ZFYVE16: variants seen among roughly 807,000 people sequenced by gnomAD.
The protein encoded by ZFYVE16 is zinc finger FYVE domain-containing protein 16.
A neutral mutation model predicts 138.1 loss-of-function variants in ZFYVE16; 89 were observed. The observed-to-expected ratio is 0.64, with a 90% CI of 0.54 to 0.77. ZFYVE16 has a LOEUF of 0.77. Ranked by LOEUF, ZFYVE16 falls within the 30% of genes least tolerant of loss-of-function variation. The pLI is 0.00. For synonymous variants in ZFYVE16, 596 were observed against 618.3 expected, an observed-to-expected ratio of 0.96 and a Z score of 0.53; for missense variants, 1,793 against 1,786.7, an observed-to-expected ratio of 1.00 and a Z score of -0.06.
intron 15 of ZFYVE16, among the ~76,000 whole-genome samples, chr5:80,470,882 A>C (rs1754298877): frequency 6.6e-6 from 1 of 152,156 alleles, no homozygotes; most frequent in Admixed American, 6.6e-5. Context: ...ATTGCTACAG[A>C]ATAAAAGATG....
chr5:80,442,840 G>A (rs1750868588), intron 5 of ZFYVE16, among the ~76,000 whole-genome samples: 1 of 151,922 alleles, frequency 6.6e-6, no homozygotes, highest in Admixed American at 6.6e-5. Context: ...GGCAAAAACA[G>A]AGACAGTCAT....
chr5:80,411,860 A>G (rs1453475385), intron 1 of ZFYVE16: 4 of 152,242 alleles, frequency 2.6e-5, no homozygotes, highest in African/African-American at 7.2e-5. Flanking sequence ...TGGCACCACC[A>G]TCTACCCTAG....
chr5:80,446,779 G>A (rs986543015), intron 7 of ZFYVE16, among the ~76,000 whole-genome samples: 15 of 152,176 alleles, frequency 9.9e-5, no homozygotes, highest in African/African-American at 3.1e-4. Flanking sequence ...TTACACAAAT[G>A]TGCTAGGTGT....
intron 7 of ZFYVE16, among the ~76,000 whole-genome samples, chr5:80,446,096 G>C (rs973797144): frequency 1.0e-4 from 15 of 150,174 alleles, no homozygotes; most frequent in Non-Finnish European, 2.2e-4. Flanking sequence ...AGGTTTCACC[G>C]TGTTGGCCAG....
chr5:80,462,824 G>A (rs1753278741), intron 15 of ZFYVE16, among the ~76,000 whole-genome samples: 2 of 152,212 alleles, frequency 1.3e-5, no homozygotes, highest in Non-Finnish European at 2.9e-5. Flanking sequence ...TTCCAAATGT[G>A]AGAAATTGGC....
intron 5 of ZFYVE16, chr5:80,442,086 T>A: frequency 3.1e-6 from 1 of 320,054 alleles, no homozygotes; most frequent in Non-Finnish European, 4.5e-6. Flanking sequence ...GATAGATAGT[T>A]AACAGATTAG....
chr5:80,477,117 C>A, intron 18 of ZFYVE16, 102 bp from the exon 19 acceptor site: 2 of 911,906 alleles, frequency 2.2e-6, no homozygotes, highest in East Asian at 3.1e-5. Flanking sequence ...TTTTATTTAA[C>A]ATGCTTGAAC....
chr5:80,480,029 A>G lies in ZFYVE16; in HGVS notation c.*2652A>G, dbSNP rs916829005. Among the ~76,000 whole-genome samples, 8 of 152,192 alleles carry G rather than the reference A, an allele frequency of 5.3e-5. 1 individual carries two copies. Among genetic ancestry groups the G allele is most frequent in the Non-Finnish European group, 1.5e-5 (1 of 68,030 alleles). ...GTGACAGAGAAAATAAAATGTAAATACTTTTCATGGAAAAGTAATTTCATT... is the reference window on the plus strand; with the variant it reads ...GTGACAGAGAAAATAAAATGTAAATGCTTTTCATGGAAAAGTAATTTCATT... On this transcript the variant is annotated 3_prime_UTR_variant, in exon 19 of 19. Transcript: ENST00000505560.
rs200433305 is a variant in ZFYVE16 at position 80,438,115 on chromosome 5, T to C, written c.1430T>C (p.Val477Ala). The C allele has an allele frequency of 5.5e-5, 89 of 1,614,022 alleles. 1 individual carries two copies. The highest frequency in any genetic ancestry group is 7.0e-5 in the Non-Finnish European group (83 of 1,179,950). ...SLDGGDTSSTVVESQEGLSGT... is the reference protein window; with the variant it reads ...SLDGGDTSSTAVESQEGLSGT... The stretch of plus-strand genomic sequence containing the variant: ...GATGGTGGTGACACCAGTTCTACAG[T>C]TGTAGAATCTCAAGAGGGGCTTTCT... Residue 477 changes from valine to alanine, a missense_variant, in exon 4 of 19, where the codon GTT becomes GCT. Physicochemically the swap from Val to Ala is moderately conservative, Grantham distance 64. Coordinates refer to ENST00000505560, the MANE Select transcript of ZFYVE16 (RefSeq NM_001284236.3).
rs141202687 is a variant in ZFYVE16, at chr5:80,440,657, G to GGTGTGTGTGTGTGTGTGTGTGT, written c.2419+651_2419+672dup. On this transcript the variant is annotated intron_variant, in intron 5 of 18. Coordinates refer to ENST00000505560, the MANE Select transcript of ZFYVE16 (RefSeq NM_001284236.3). ...TCTTGGTGGTCTTTGAGTTCTCACA[G>GGTGTGTGTGTGTGTGTGTGTGT]GTGTGTGTGTGTGTGTGTGTGTGTG... The GGTGTGTGTGTGTGTGTGTGTGT allele has an allele frequency of 6.7e-5, 50 of 749,688 alleles. No homozygotes were observed. The East Asian group carries it at 8.0e-4, about 12-fold the overall frequency. 46.4% of individuals were successfully genotyped at this position (749,688 alleles called of 1,614,324 possible). A position where few individuals can be genotyped will look rare whatever the true frequency, so the allele number is the denominator to read the frequency against.
chr5:80,429,068 A>G (rs982287487), intron 2 of ZFYVE16, among the ~76,000 whole-genome samples: 1 of 152,228 alleles, frequency 6.6e-6, no homozygotes, highest in Admixed American at 6.5e-5. Context: ...TCAACCTAGC[A>G]AGGCAGGCCA....
In ZFYVE16 at chr5:80,456,981, A is replaced by G. The variant is rs147397945; in HGVS notation, c.3832A>G (p.Ile1278Val). The G allele has an allele frequency of 1.2e-6, 2 of 1,608,454 alleles. No homozygotes were observed. Among genetic ancestry groups the G allele is most frequent in the Admixed American group, 1.7e-5 (1 of 58,342 alleles). ...KVLNSSNEHV[I>V]SIGASFSTEA... ...ACTAAATTCTTCCAATGAGCATGTC[A>G]TTAGCATTGGAGCAAGTTTCAGTAC... The change falls in exon 14 of 19, where the codon ATT becomes GTT. Residue 1278 changes from isoleucine (I) to valine (V), a missense_variant. Around this residue, in one of 2 missense-constraint regions of ZFYVE16, gnomAD observed 498 missense variants for 582.4 expected, o/e 0.86. Coordinates refer to ENST00000505560, the MANE Select transcript of ZFYVE16 (RefSeq NM_001284236.3).
At chr5:80,410,506 A>G (rs1447120839) in intron 1 of ZFYVE16, among the ~76,000 whole-genome samples, 2 of 152,234 alleles carry the variant, frequency 1.3e-5, no homozygotes, top group Non-Finnish European at 2.9e-5. Context: ...TTTATAGTCC[A>G]GTATCCAAGT....
chr5:80,448,496 G>T, intron 8 of ZFYVE16, 92 bp downstream of exon 8: 1 of 1,276,202 alleles, frequency 7.8e-7, no homozygotes, highest in Non-Finnish European at 1.0e-6. Context: ...TTTTAACTTA[G>T]TTTGGTTGCA....
rs558476608 is a variant in ZFYVE16 at position 80,448,182 on chromosome 5, A to C, written c.2881A>C (p.Thr961Pro). ...SMNTGNEGLP[T>P]SGSFTLDDDV... ...GAACACAGGAAATGAGGGGTTACCT[A>C]CTTCTGGTTCATTTACACTAGATGA... is the stretch of plus-strand genomic sequence containing the variant. The change falls in exon 8 of 19, where the codon ACT becomes CCT. Residue 961 changes from threonine to proline, a missense_variant. Physicochemically the swap from Thr to Pro is conservative, Grantham distance 38. Around this residue, in one of 2 missense-constraint regions of ZFYVE16, gnomAD observed 1,295 missense variants for 1,204.3 expected, o/e 1.08. Coordinates refer to ENST00000505560, the MANE Select transcript of ZFYVE16 (RefSeq NM_001284236.3). 6.2e-7 allele frequency: 1 copy of C among 1,613,842 alleles called. No homozygotes were observed. The highest frequency in any genetic ancestry group is 1.7e-5 in the Admixed American group (1 of 60,000).
At chr5:80,475,708 T>A (rs1365826214) in intron 18 of ZFYVE16, among the ~76,000 whole-genome samples, 2 of 152,190 alleles carry the variant, frequency 1.3e-5, no homozygotes, top group African/African-American at 4.8e-5. Flanking sequence ...AGTAGTTGAT[T>A]ATATAAATGT....
rs1755226882 is a variant in ZFYVE16 at position 80,480,521 on chromosome 5, C to A, written c.*3144C>A. 6.6e-6 allele frequency among the ~76,000 whole-genome samples: 1 copy of A among 152,016 alleles called. No individual in the cohort carries two copies. The highest frequency in any genetic ancestry group is 2.4e-5 in the African/African-American group (1 of 41,390). On this transcript the variant is annotated 3_prime_UTR_variant, in exon 19 of 19. Coordinates refer to ENST00000505560, the MANE Select transcript of ZFYVE16 (RefSeq NM_001284236.3). ...GAGGAGAGGCAAGAATAGGACAGAG[C>A]AAATACTTAGATAGAATGCAGAATT... is the stretch of plus-strand genomic sequence containing the variant.
At chr5:80,467,018 A>G (rs1342267412) in intron 15 of ZFYVE16, among the ~76,000 whole-genome samples, 1 of 152,198 alleles carries the variant, frequency 6.6e-6, no homozygotes, top group South Asian at 2.1e-4. Flanking sequence ...AAAACTTACT[A>G]TCAGACAGTT....
In ZFYVE16 at chr5:80,439,509, G is replaced by A. The variant is rs187793562; in HGVS notation, c.2323-427G>A. 2.3e-3 allele frequency among the ~76,000 whole-genome samples: 357 copies of A among 152,160 alleles called. 2 individuals carry two copies. The highest frequency in any genetic ancestry group is 8.4e-3 in the African/African-American group (350 of 41,498). ...AAAAGATTGTCTATAAATTCTAAGG[G>A]TTGCCCATAGAAATCCTATTACATT... On this transcript the variant is annotated intron_variant, in intron 4 of 18. Coordinates refer to ENST00000505560, the MANE Select transcript of ZFYVE16 (RefSeq NM_001284236.3).
Sources: gnomAD v4.1 joint callset for allele counts (sites outside exome capture counted in the v4.1 genomes callset) on GRCh38, gnomAD v4.1.1 for gene constraint, gnomAD v4.1.1 regional missense constraint, MANE v1.5 for transcripts, NCBI Gene and HGNC (gene_info 2026-07-23, HGNC 2026-07-21) for gene names.